The following EHBP1 variants were observed in gnomAD, a reference collection of about 807,000 sequenced individuals.
The protein encoded by EHBP1 is EH domain-binding protein 1.
A neutral mutation model predicts 144.0 loss-of-function variants in EHBP1; 55 were observed. The ratio of observed to expected loss-of-function variants is 0.38; its 90% CI spans 0.31 to 0.48. EHBP1 has a LOEUF of 0.48. EHBP1 is among the 20% of genes least tolerant of loss of function. EHBP1 has a pLI of 0.98. For missense variants in EHBP1, 1,200 were observed against 1,364.2 expected, an observed-to-expected ratio of 0.88 and a Z score of 1.90; for synonymous variants, 469 against 472.7, an observed-to-expected ratio of 0.99 and a Z score of 0.10.
At chr2:62,726,989 A>C (rs1298309947) in intron 2 of EHBP1, among the ~76,000 whole-genome samples, 1 of 151,990 alleles carries the variant, frequency 6.6e-6, no homozygotes, top group Admixed American at 6.6e-5. Context: ...CAGCCTCCTG[A>C]GTAGCTGGAA....
At chr2:62,689,170 A>T (rs2033819111) in intron 1 of EHBP1, among the ~76,000 whole-genome samples, 1 of 152,244 alleles carries the variant, frequency 6.6e-6, no homozygotes, top group South Asian at 2.1e-4. Flanking sequence ...CAATAACTCA[A>T]GTCAGTTGGT....
intron 10 of EHBP1, among the ~76,000 whole-genome samples, chr2:62,892,821 A>G (rs952043274): frequency 6.6e-6 from 1 of 152,146 alleles, no homozygotes; most frequent in Non-Finnish European, 1.5e-5. Context: ...TACTTAATAC[A>G]ATTTAATATA....
intron 3 of EHBP1, among the ~76,000 whole-genome samples, chr2:62,757,415 C>CTTTTTTTTTTTTT (rs869184433): frequency 3.3e-5 from 4 of 121,884 alleles, no homozygotes; most frequent in Non-Finnish European, 5.3e-5. Flanking sequence ...TTCTTTCTTT[C>CTTTTTTTTTTTTT]TTTTTTTTTT....
At chr2:62,961,964 G>A (rs181330258) in intron 14 of EHBP1, among the ~76,000 whole-genome samples, 105 of 152,246 alleles carry the variant, frequency 6.9e-4, no homozygotes, top group Non-Finnish European at 1.3e-3. Context: ...GGAGGCGAAC[G>A]TTGCAATGAG....
chr2:62,703,771 A>G (rs1333194641), upstream of EHBP1, among the ~76,000 whole-genome samples: 3 of 152,150 alleles, frequency 2.0e-5, no homozygotes, highest in Non-Finnish European at 4.4e-5. Flanking sequence ...TTTTTAAGAC[A>G]CCATTTAAAA....
intron 2 of EHBP1, among the ~76,000 whole-genome samples, chr2:62,713,848 AT>A (rs1470055414): frequency 1.3e-5 from 2 of 152,164 alleles, no homozygotes; most frequent in Non-Finnish European, 2.9e-5. Context: ...TTTTTTTTAA[AT>A]TGTAATTGTT....
intron 4 of EHBP1, among the ~76,000 whole-genome samples, chr2:62,769,894 A>C (rs1260090256): frequency 6.6e-6 from 1 of 152,084 alleles, no homozygotes; most frequent in African/African-American, 2.4e-5. Context: ...CATCTTTGGC[A>C]AAACTGACCA....
intron 10 of EHBP1, among the ~76,000 whole-genome samples, chr2:62,904,386 T>C (rs552195004): frequency 6.6e-6 from 1 of 152,346 alleles, no homozygotes; most frequent in South Asian, 2.1e-4. Context: ...TTATCTAGAA[T>C]AACACTCATC....
chr2:62,923,029 C>T (rs1185075667), intron 10 of EHBP1, among the ~76,000 whole-genome samples: 2 of 152,134 alleles, frequency 1.3e-5, no homozygotes, highest in African/African-American at 4.8e-5. Flanking sequence ...CATACTTCAC[C>T]CACCTCCTAT....
At chr2:62,711,327 T>C (rs569855155) in intron 2 of EHBP1, among the ~76,000 whole-genome samples, 4 of 152,168 alleles carry the variant, frequency 2.6e-5, no homozygotes, top group Non-Finnish European at 5.9e-5. Context: ...GACTTACTGA[T>C]GGATTAGATA....
intron 9 of EHBP1, among the ~76,000 whole-genome samples, chr2:62,866,947 A>G (rs1031742481): frequency 1.2e-4 from 19 of 152,312 alleles, no homozygotes; most frequent in Admixed American, 2.6e-4. Context: ...AACTCAAGCC[A>G]GAAGACAATG....
rs746785186 is a variant in EHBP1 at position 63,045,178 on chromosome 2, G to A, written c.3390G>A (p.Lys1130=). 6.3e-7 allele frequency: 1 copy of A among 1,581,880 alleles called. No individual in the cohort carries two copies. Among genetic ancestry groups the A allele is most frequent in the Non-Finnish European group, 8.6e-7 (1 of 1,163,042 alleles). The stretch of plus-strand genomic sequence containing the variant: ...TCAGGGACCTGGACGCGCAGGAGAA[G>A]CAGTGAGTGGGCAGTGGGGTCGGGT... ...ALVRDLDAQE[K]QAEEEDEHLE... is the part of the protein sequence containing the mutation. The change falls in exon 22 of 23, where the codon AAG becomes AAA. Residue 1130 remains lysine, a splice_region_variant and synonymous_variant. Transcript: ENST00000431489. The surrounding 1 kb of genome is among the most constrained non-coding windows in gnomAD (Gnocchi z 5.7).
chr2:62,952,899 G>A (rs2153103199), intron 13 of EHBP1, among the ~76,000 whole-genome samples: 1 of 152,194 alleles, frequency 6.6e-6, no homozygotes, highest in East Asian at 1.9e-4. Flanking sequence ...CTACTTTCAG[G>A]AATTTTTCCT....
rs57403564 is a variant in EHBP1 at position 62,894,927 on chromosome 2, AAGAGAGAGAGAG to A, written c.1185+20413_1185+20424del. 9.3e-4 allele frequency among the ~76,000 whole-genome samples: 131 copies of A among 141,222 alleles called. 2 individuals are homozygous for A. Among genetic ancestry groups the A allele is most frequent in the African/African-American group, 3.2e-3 (120 of 37,124 alleles). 92.6% of individuals were successfully genotyped at this position (141,222 alleles called of 152,430 possible). ...CAAGACCCTAGCAAAAACAGAAAGA[AAGAGAGAGAGAG>A]AGAGAGAGAGAGAGAGAATGCTGCA... On this transcript the variant is annotated intron_variant, in intron 10 of 22. Transcript: ENST00000431489.
chr2:63,001,773 T>C (rs1426434758), intron 19 of EHBP1, among the ~76,000 whole-genome samples: 2 of 152,220 alleles, frequency 1.3e-5, no homozygotes, highest in Admixed American at 6.5e-5. Flanking sequence ...CCCAGTCTGA[T>C]GGCTCTGGAG....
rs553290058 is a variant in EHBP1, at chr2:62,852,436, T to A, written c.635-6733T>A. On this transcript the variant is annotated intron_variant, in intron 7 of 22. Coordinates refer to ENST00000431489, the MANE Select transcript of EHBP1 (RefSeq NM_001142616.3). ...TTTCTTTTTATATTTTATATTTTCA[T>A]AGTTATTCATATTTTATGTTTACAA... Among the ~76,000 whole-genome samples the A allele has an allele frequency of 5.6e-4, 85 of 152,106 alleles. 1 individual carries two copies. Among genetic ancestry groups the A allele is most frequent in the South Asian group, 2.3e-3 (11 of 4,828 alleles).
chr2:63,006,586 G>A (rs1268142896), intron 19 of EHBP1, among the ~76,000 whole-genome samples: 1 of 151,944 alleles, frequency 6.6e-6, no homozygotes, highest in African/African-American at 2.4e-5. Context: ...TTATTCCAAA[G>A]AAAGTACAGA....
At chr2:62,689,291 A>T (rs1031196052) in intron 1 of EHBP1, among the ~76,000 whole-genome samples, 1 of 152,232 alleles carries the variant, frequency 6.6e-6, no homozygotes, top group African/African-American at 2.4e-5. Flanking sequence ...AAATAAAAGG[A>T]GGCTGGTTCA....
At chr2:62,892,829 A>G (rs1015190058) in intron 10 of EHBP1, among the ~76,000 whole-genome samples, 1 of 152,170 alleles carries the variant, frequency 6.6e-6, no homozygotes, top group Admixed American at 6.5e-5. Flanking sequence ...ACAATTTAAT[A>G]TATCACATCC....
Sources: gnomAD v4.1 joint callset for allele counts (sites outside exome capture counted in the v4.1 genomes callset) on GRCh38, gnomAD v4.1.1 for gene constraint, Gnocchi (gnomAD v3.1) non-coding constraint, MANE v1.5 for transcripts, NCBI Gene and HGNC (gene_info 2026-07-23, HGNC 2026-07-21) for gene names.